SEC22C: variants seen among roughly 807,000 people sequenced by gnomAD.
The protein encoded by SEC22C is vesicle-trafficking protein SEC22c.
Under a neutral mutation model 34.7 loss-of-function variants are expected in SEC22C, and 29 were observed. The observed-to-expected ratio is 0.84, with a 90% CI of 0.62 to 1.14. The LOEUF is 1.14. Ranked by LOEUF, SEC22C falls within the 50% of genes most tolerant of loss-of-function variation. The probability of loss-of-function intolerance (pLI) is 0.00; values close to 1 mark genes in which losing one functional copy is unlikely to be tolerated. For synonymous variants in SEC22C, 117 were observed against 132.8 expected, an observed-to-expected ratio of 0.88 and a Z score of 0.82; for missense variants, 337 against 369.0, an observed-to-expected ratio of 0.91 and a Z score of 0.71.
At chr3:42,600,530 C>CT (rs988424899) in intron 1 of SEC22C, 4 of 152,486 alleles carry the variant, frequency 2.6e-5, no homozygotes, top group Admixed American at 2.0e-4. Flanking sequence ...TCCTCGAGAG[C>CT]TCCCCAGACA....
rs1385957421 is a variant in SEC22C at position 42,551,996 on chromosome 3, A to T, written c.*1252T>A. The T allele has an allele frequency of 1.0e-6, 1 of 985,340 alleles. No homozygotes were observed. Among genetic ancestry groups the T allele is most frequent in the Non-Finnish European group, 1.2e-6 (1 of 829,934 alleles). The allele number at this position is 985,340 out of a possible 1,614,324, so 61.0% of individuals were successfully genotyped here. ...AGATTCCAGACTTCTACCAAGAACA[A>T]TCCAAAGAGCAAACTCCCAAAATGA... On this transcript the variant is annotated 3_prime_UTR_variant, in exon 7 of 7. Coordinates refer to ENST00000264454, the MANE Select transcript of SEC22C (RefSeq NM_032970.4).
At chr3:42,553,581 C>G (rs1577288533) in intron 6 of SEC22C, 133 bp from the exon 7 acceptor site, 2 of 1,343,008 alleles carry the variant, frequency 1.5e-6, no homozygotes, top group East Asian at 5.0e-5. Flanking sequence ...GAATTCATTA[C>G]AGTAAAGCGT....
upstream of SEC22C, chr3:42,582,364 G>C (rs192913018): frequency 5.0e-4 from 77 of 152,526 alleles, 3 homozygotes; most frequent in Admixed American, 5.0e-3. Flanking sequence ...GGTCCGCGCG[G>C]CTGGGCGGGA....
In SEC22C at chr3:42,550,759, A is replaced by G; in HGVS notation, c.*2489T>C. Reference sequence around the variant, plus strand: ...GGACCGTTTCTTTACTGCCTGCTGAATATGGATCATAGGCTCAGATGCCCA... The same window carrying G: ...GGACCGTTTCTTTACTGCCTGCTGAGTATGGATCATAGGCTCAGATGCCCA... On this transcript the variant is annotated 3_prime_UTR_variant, in exon 7 of 7. Coordinates refer to ENST00000264454, the MANE Select transcript of SEC22C (RefSeq NM_032970.4). 2 of 985,298 alleles carry G rather than the reference A, an allele frequency of 2.0e-6. No individual in the cohort carries two copies. The highest frequency in any genetic ancestry group is 2.4e-6 in the Non-Finnish European group (2 of 829,920). 61.0% of individuals were successfully genotyped at this position (985,298 alleles called of 1,614,324 possible). A position where few individuals can be genotyped will look rare whatever the true frequency, so the allele number is the denominator to read the frequency against.
intron 1 of SEC22C, among the ~76,000 whole-genome samples, chr3:42,570,939 C>T (rs1170562023): frequency 6.6e-6 from 1 of 151,886 alleles, no homozygotes; most frequent in East Asian, 1.9e-4. Flanking sequence ...ACATTGAGGC[C>T]AAAAAGAGAC....
intron 1 of SEC22C, among the ~76,000 whole-genome samples, chr3:42,596,936 C>T (rs917426131): frequency 2.0e-5 from 3 of 152,176 alleles, no homozygotes; most frequent in African/African-American, 7.2e-5. Flanking sequence ...GCTCTAAAAC[C>T]TATTTACATT....
chr3:42,589,263 T>G (rs1335662194), intron 1 of SEC22C, among the ~76,000 whole-genome samples: 1 of 151,582 alleles, frequency 6.6e-6, no homozygotes, highest in African/African-American at 2.4e-5. Flanking sequence ...AGCGAGACTC[T>G]GTCTCAAAAA....
chr3:42,568,796 A>G, intron 2 of SEC22C, 69 bp downstream of exon 2: 1 of 1,288,256 alleles, frequency 7.8e-7, no homozygotes, highest in African/African-American at 1.5e-5. Context: ...GCATAAGATT[A>G]TCACTACATG....
chr3:42,564,558 G>A, intron 2 of SEC22C: 1 of 152,286 alleles, frequency 6.6e-6, no homozygotes, highest in Non-Finnish European at 1.5e-5. Flanking sequence ...CCTAGACTTT[G>A]GGGAGTATAC....
rs184256234 is a variant in SEC22C at position 42,565,348 on chromosome 3, T to C, written c.183-1662A>G. ...ACTGTAACTCCCTATATAAAAACTT[T>C]TCCAATCTAAAAAAAAGGACAACTC... On this transcript the variant is annotated intron_variant, in intron 2 of 6. Coordinates refer to ENST00000264454, the MANE Select transcript of SEC22C (RefSeq NM_032970.4). Among the ~76,000 whole-genome samples, 403 of 152,276 alleles carry C rather than the reference T, an allele frequency of 2.6e-3. 2 individuals are homozygous for C. Among genetic ancestry groups the C allele is most frequent in the Non-Finnish European group, 3.7e-3 (249 of 68,006 alleles).
chr3:42,583,228 G>A (rs1242399415), upstream of SEC22C, among the ~76,000 whole-genome samples: 1 of 152,226 alleles, frequency 6.6e-6, no homozygotes, highest in Non-Finnish European at 1.5e-5. Context: ...CAGAGCTATG[G>A]TGGGACTGGC....
At chr3:42,561,044 A>G in intron 4 of SEC22C, 73 bp downstream of exon 4, 1 of 1,322,148 alleles carries the variant, frequency 7.6e-7, no homozygotes, top group Non-Finnish European at 1.0e-6. Context: ...CTTTCTAGTG[A>G]AAAAAAAAAT....
At chr3:42,572,376 G>A (rs1264181524) in intron 1 of SEC22C, among the ~76,000 whole-genome samples, 1 of 152,106 alleles carries the variant, frequency 6.6e-6, no homozygotes. Context: ...GCCAACGAAG[G>A]CCAAGTGAAG....
At chr3:42,590,761 T>TC in intron 1 of SEC22C, 1 of 905,144 alleles carries the variant, frequency 1.1e-6, no homozygotes, top group Non-Finnish European at 1.8e-6. Flanking sequence ...AGTATAGCTC[T>TC]TGCGCGTCCA....
At chr3:42,600,984 C>G (rs757128391) in exon 1 of SEC22C, 3 of 1,546,172 alleles carry the variant, frequency 1.9e-6, no homozygotes, top group Admixed American at 3.9e-5. Flanking sequence ...TCTCTCCCAG[C>G]TCTTGCCGCC....
chr3:42,566,678 CAA>C (rs71072721), intron 2 of SEC22C: 252 of 129,688 alleles, frequency 1.9e-3, no homozygotes, highest in South Asian at 7.5e-3. Flanking sequence ...GACTCCGTCT[CAA>C]AAAAAAAAAA....
intron 2 of SEC22C, among the ~76,000 whole-genome samples, chr3:42,566,586 G>A (rs910217736): frequency 1.3e-5 from 2 of 151,296 alleles, no homozygotes; most frequent in East Asian, 3.9e-4. Flanking sequence ...GGCTGAGGCA[G>A]AAGAATGGTG....
chr3:42,559,525 T>C (rs1357133039), intron 4 of SEC22C, among the ~76,000 whole-genome samples: 4 of 152,230 alleles, frequency 2.6e-5, no homozygotes, highest in Admixed American at 2.0e-4. Context: ...GAAACACTTA[T>C]TGACTGGAAT....
intron 1 of SEC22C, among the ~76,000 whole-genome samples, chr3:42,598,913 A>T (rs1484970359): frequency 7.5e-6 from 1 of 133,158 alleles, no homozygotes; most frequent in Non-Finnish European, 1.7e-5. Flanking sequence ...TAATGTGTAT[A>T]TATATCTATA....
Sources: gnomAD v4.1 joint callset for allele counts (sites outside exome capture counted in the v4.1 genomes callset) on GRCh38, gnomAD v4.1.1 for gene constraint, MANE v1.5 for transcripts, NCBI Gene and HGNC (gene_info 2026-07-23, HGNC 2026-07-21) for gene names.